Variants in LY96 observed in about 807,000 individuals in gnomAD.
LY96 encodes myeloid differentiation protein-2.
Under a neutral mutation model 18.9 loss-of-function variants are expected in LY96, and 18 were observed. That is an observed-to-expected ratio of 0.95 (90% confidence interval 0.66 to 1.41). The LOEUF is 1.41. Ranked by LOEUF, LY96 falls within the 40% of genes most tolerant of loss-of-function variation. The pLI, the probability that LY96 is intolerant of heterozygous loss-of-function variation, is 0.00. For missense variants in LY96, 175 were observed against 182.4 expected, an observed-to-expected ratio of 0.96 and a Z score of 0.23; for synonymous variants, 66 against 62.6, an observed-to-expected ratio of 1.06 and a Z score of -0.26.
At chr8:74,008,967 A>G (rs892742643) in intron 2 of LY96, among the ~76,000 whole-genome samples, 5 of 152,228 alleles carry the variant, frequency 3.3e-5, no homozygotes, top group Admixed American at 6.5e-5. Flanking sequence ...CAGTTCTGTT[A>G]AGCATAGCCA....
chr8:74,003,027 C>T (rs1431521886), intron 1 of LY96, among the ~76,000 whole-genome samples: 1 of 152,224 alleles, frequency 6.6e-6, no homozygotes, highest in Non-Finnish European at 1.5e-5. Flanking sequence ...AACTTCATTT[C>T]CTTAGTGTAA....
intron 1 of LY96, among the ~76,000 whole-genome samples, chr8:73,996,906 G>A (rs557783431): frequency 3.0e-4 from 46 of 151,016 alleles, no homozygotes; most frequent in South Asian, 1.9e-3. Context: ...CACCACACCC[G>A]GCTAATTTTT....
At chr8:74,001,376 G>C (rs1268196373) in intron 1 of LY96, among the ~76,000 whole-genome samples, 2 of 151,916 alleles carry the variant, frequency 1.3e-5, no homozygotes, top group African/African-American at 4.8e-5. Flanking sequence ...GGCACGTGCT[G>C]TGCTGACATG....
At chr8:74,076,788 G>A in the LY96 span, among the ~76,000 whole-genome samples, 2 of 152,072 alleles carry the variant, frequency 1.3e-5, no homozygotes, top group Admixed American at 6.6e-5. Flanking sequence ...TCCACACCAA[G>A]CAATTCTCCA....
At chr8:74,021,592 A>C (rs1816761333) in intron 3 of LY96, among the ~76,000 whole-genome samples, 1 of 152,236 alleles carries the variant, frequency 6.6e-6, no homozygotes, top group Non-Finnish European at 1.5e-5. Flanking sequence ...AAGGGTTATA[A>C]ATCATGCTAC....
chr8:74,009,648 C>CCTTTT (rs1186345056), intron 2 of LY96, among the ~76,000 whole-genome samples: 1 of 152,142 alleles, frequency 6.6e-6, no homozygotes, highest in African/African-American at 2.4e-5. Flanking sequence ...TCCTTCCTTT[C>CCTTTT]CTTTTCTTTT....
downstream of LY96, among the ~76,000 whole-genome samples, chr8:74,030,529 G>T (rs1586664235): frequency 6.6e-6 from 1 of 152,264 alleles, no homozygotes; most frequent in African/African-American, 2.4e-5. Flanking sequence ...GAAACAAAAG[G>T]ATGGGGTCTT....
At chr8:74,061,221 G>A in the LY96 span, among the ~76,000 whole-genome samples, 2 of 152,180 alleles carry the variant, frequency 1.3e-5, no homozygotes, top group African/African-American at 4.8e-5. Context: ...GTTTTAGGAG[G>A]TGGGGCCTTT....
chr8:74,078,888 C>T, the LY96 span, among the ~76,000 whole-genome samples: 1 of 152,042 alleles, frequency 6.6e-6, no homozygotes, highest in Non-Finnish European at 1.5e-5. Flanking sequence ...CTGAGCGTTT[C>T]CTCTTCCTAA....
At chr8:74,000,849 T>C (rs1316973100) in intron 1 of LY96, among the ~76,000 whole-genome samples, 1 of 152,172 alleles carries the variant, frequency 6.6e-6, no homozygotes, top group Admixed American at 6.5e-5. Context: ...CATCATCCCA[T>C]GGCAGAAGGG....
At chr8:74,078,692 T>C in the LY96 span, among the ~76,000 whole-genome samples, 1 of 152,176 alleles carries the variant, frequency 6.6e-6, no homozygotes, top group African/African-American at 2.4e-5. Context: ...CAAGCTGCAC[T>C]GGTCCTCCCA....
chr8:74,086,864 C>A, the LY96 span, among the ~76,000 whole-genome samples: 2 of 152,214 alleles, frequency 1.3e-5, no homozygotes, highest in Admixed American at 6.5e-5. Context: ...AGAAGTGCAG[C>A]CCTCGCTAGA....
intron 3 of LY96, among the ~76,000 whole-genome samples, chr8:74,019,805 AC>A (rs1342265556): frequency 1.3e-5 from 2 of 152,198 alleles, no homozygotes; most frequent in Non-Finnish European, 2.9e-5. Context: ...CATAAACAAA[AC>A]CAAAGACAAA....
At chr8:74,056,079 A>T in the LY96 span, 1 of 165,846 alleles carries the variant, frequency 6.0e-6, no homozygotes, top group African/African-American at 2.4e-5. Context: ...AAGGGTTGTG[A>T]TATTGAGGTA....
the LY96 span, among the ~76,000 whole-genome samples, chr8:74,066,978 C>A: frequency 0.047 from 7,107 of 152,260 alleles, 419 homozygotes; most frequent in African/African-American, 0.13. Context: ...GGGGCTCATC[C>A]TAGGAGTTGA....
At chr8:74,090,338 CT>C in the LY96 span, among the ~76,000 whole-genome samples, 1 of 151,946 alleles carries the variant, frequency 6.6e-6, no homozygotes, top group African/African-American at 2.4e-5. Flanking sequence ...TATACAGGTG[CT>C]TAGTGAATAT....
chr8:74,049,197 TG>T, the LY96 span, among the ~76,000 whole-genome samples: 3 of 152,222 alleles, frequency 2.0e-5, no homozygotes, highest in African/African-American at 7.2e-5. Context: ...ATCCTGTGCC[TG>T]GTACACAGTA....
At chr8:74,098,273 G>A in the LY96 span, among the ~76,000 whole-genome samples, 1 of 152,108 alleles carries the variant, frequency 6.6e-6, no homozygotes, top group East Asian at 1.9e-4. Flanking sequence ...GTATAAAAAA[G>A]TAAGGCCTTA....
chr8:74,090,090 C>T, the LY96 span, among the ~76,000 whole-genome samples: 43 of 152,168 alleles, frequency 2.8e-4, no homozygotes, highest in African/African-American at 9.4e-4. Flanking sequence ...GTCTGACTTA[C>T]GTTTTAAAGG....
Sources: gnomAD v4.1 joint callset for allele counts (sites outside exome capture counted in the v4.1 genomes callset) on GRCh38, gnomAD v4.1.1 for gene constraint, MANE v1.5 for transcripts, NCBI Gene and HGNC (gene_info 2026-07-23, HGNC 2026-07-21) for gene names.